The following CAST variants were observed in gnomAD, a reference collection of about 807,000 sequenced individuals.
The protein encoded by CAST is MIR583 host.
In CAST, 76 loss-of-function variants were observed where a neutral mutation model predicts 119.6. That is an observed-to-expected ratio of 0.64 (90% CI 0.53 to 0.77). The LOEUF (loss-of-function observed/expected upper bound fraction) is 0.77, where lower values mean the gene tolerates loss of function less well. Ranked by LOEUF, CAST falls within the 30% of genes least tolerant of loss-of-function variation. CAST has a pLI of 0.00. For missense variants in CAST, 953 were observed against 946.5 expected (o/e 1.01, Z -0.09); for synonymous variants, 319 against 331.6 (o/e 0.96, Z 0.41).
the CAST span, among the ~76,000 whole-genome samples, chr5:96,185,512 A>G: frequency 6.6e-6 from 1 of 152,074 alleles, no homozygotes; most frequent in Admixed American, 6.6e-5. Flanking sequence ...AGTCATCTTG[A>G]GTTAATTTTT....
chr5:96,154,292 A>AC, the CAST span, among the ~76,000 whole-genome samples: 1 of 150,022 alleles, frequency 6.7e-6, no homozygotes, highest in African/African-American at 2.4e-5. Flanking sequence ...AACAACAACA[A>AC]AAAAAAAACA....
chr5:96,686,314 C>G (rs2150279892), intron 2 of CAST, among the ~76,000 whole-genome samples: 1 of 152,164 alleles, frequency 6.6e-6, no homozygotes, highest in African/African-American at 2.4e-5. Flanking sequence ...ACCAAAATTC[C>G]TGGTTAAAAT....
At chr5:96,458,402 T>C in the CAST span, among the ~76,000 whole-genome samples, 3 of 152,320 alleles carry the variant, frequency 2.0e-5, no homozygotes, top group South Asian at 2.1e-4. Flanking sequence ...GAGAAGTCAT[T>C]ACTACACTTT....
At chr5:96,065,563 A>T in the CAST span, among the ~76,000 whole-genome samples, 1 of 152,170 alleles carries the variant, frequency 6.6e-6, no homozygotes, top group East Asian at 1.9e-4. Context: ...ATTTTAAAGC[A>T]TTTAGAACAT....
At chr5:96,175,561 G>T in the CAST span, among the ~76,000 whole-genome samples, 6 of 152,160 alleles carry the variant, frequency 3.9e-5, no homozygotes, top group African/African-American at 1.4e-4. Context: ...TAATTTAGAT[G>T]GTAAACAGGG....
the CAST span, chr5:96,412,891 C>T: frequency 1.5e-5 from 3 of 205,152 alleles, 1 homozygote; most frequent in Non-Finnish European, 2.8e-5. Flanking sequence ...AAATGTTTGC[C>T]CTCCCTCCCA....
chr5:96,019,275 T>C, the CAST span, among the ~76,000 whole-genome samples: 2 of 152,196 alleles, frequency 1.3e-5, no homozygotes, highest in East Asian at 1.9e-4. Context: ...ATTGAAGAAA[T>C]ATCATAGTTT....
At chr5:96,675,221 A>G (rs1335921232) in intron 1 of CAST, among the ~76,000 whole-genome samples, 1 of 152,192 alleles carries the variant, frequency 6.6e-6, no homozygotes, top group Non-Finnish European at 1.5e-5. Context: ...CTCCTTGATG[A>G]ATGAGATGTC....
chr5:96,338,801 T>C, the CAST span, among the ~76,000 whole-genome samples: 1 of 152,204 alleles, frequency 6.6e-6, no homozygotes, highest in Non-Finnish European at 1.5e-5. Flanking sequence ...GTTTGTGCTC[T>C]AGAGACTTGG....
intron 1 of CAST, among the ~76,000 whole-genome samples, chr5:96,556,573 G>A (rs531766383): frequency 5.3e-5 from 8 of 152,246 alleles, no homozygotes; most frequent in South Asian, 4.1e-4. Context: ...CACAAGCCTC[G>A]GTAGCCTATT....
intron 3 of CAST, among the ~76,000 whole-genome samples, chr5:96,699,475 G>A (rs1406577768): frequency 6.6e-6 from 1 of 152,230 alleles, no homozygotes; most frequent in Non-Finnish European, 1.5e-5. Flanking sequence ...CTAATGCACA[G>A]TAACACTATG....
At position 96,689,109 on chromosome 5, in the gene CAST, T is replaced by C. The variant is rs542308948; in HGVS notation, c.139-6727T>C. ...CTTGGAGGGCAAGAATACTGAAATA[T>C]TTTTAGTTCATATTCTCTTTGGAAT... On this transcript the variant is annotated intron_variant, in intron 2 of 31. Coordinates refer to ENST00000675179, the MANE Select transcript of CAST (RefSeq NM_001750.7). 2.6e-5 allele frequency among the ~76,000 whole-genome samples: 4 copies of C among 152,314 alleles called. No individual in the cohort carries two copies. In the South Asian group the frequency reaches 8.3e-4, roughly 32 times the overall value.
At chr5:96,644,297 T>C (rs1747990873) in intron 1 of CAST, among the ~76,000 whole-genome samples, 1 of 152,252 alleles carries the variant, frequency 6.6e-6, no homozygotes, top group Admixed American at 6.5e-5. Flanking sequence ...TTTACCCATT[T>C]TATATTTACT....
the CAST span, among the ~76,000 whole-genome samples, chr5:96,252,444 G>T: frequency 4.2e-4 from 64 of 152,104 alleles, 1 homozygote; most frequent in African/African-American, 1.5e-3. Context: ...CAAAACTTAC[G>T]ACTAAATGAC....
the CAST span, among the ~76,000 whole-genome samples, chr5:96,049,881 A>G: frequency 7.0e-6 from 1 of 141,872 alleles, no homozygotes; most frequent in Non-Finnish European, 1.5e-5. Flanking sequence ...AAACAACAGA[A>G]CAGGAGGCAA....
At chr5:96,345,437 G>C in the CAST span, among the ~76,000 whole-genome samples, 2 of 152,160 alleles carry the variant, frequency 1.3e-5, no homozygotes, top group African/African-American at 4.8e-5. Context: ...TTTCGACTTA[G>C]CATTGGGCTC....
intron 1 of CAST, among the ~76,000 whole-genome samples, chr5:96,556,023 A>G (rs1746231387): frequency 6.6e-6 from 1 of 152,234 alleles, no homozygotes; most frequent in South Asian, 2.1e-4. Flanking sequence ...TTCCAGAGGA[A>G]CAATCAGGCA....
the CAST span, among the ~76,000 whole-genome samples, chr5:96,416,923 C>T: frequency 6.6e-6 from 1 of 152,184 alleles, no homozygotes; most frequent in East Asian, 1.9e-4. Flanking sequence ...TCTTTTCCCA[C>T]CACCATCCTG....
At chr5:96,383,709 G>T in the CAST span, among the ~76,000 whole-genome samples, 2 of 152,226 alleles carry the variant, frequency 1.3e-5, no homozygotes, top group African/African-American at 4.8e-5. Context: ...GCCTTCCAAA[G>T]TGCTGGGATT....
Sources: gnomAD v4.1 joint callset for allele counts (sites outside exome capture counted in the v4.1 genomes callset) on GRCh38, gnomAD v4.1.1 for gene constraint, MANE v1.5 for transcripts, NCBI Gene and HGNC (gene_info 2026-07-23, HGNC 2026-07-21) for gene names.